WARS2: variants seen among roughly 807,000 people sequenced by gnomAD.
WARS2 encodes the protein tryptophanyl tRNA synthetase 2, mitochondrial.
WARS2 carries 28 observed loss-of-function variants against 36.5 expected under a neutral mutation model. The observed-to-expected ratio is 0.77, with a 90% confidence interval of 0.57 to 1.05. WARS2 has a LOEUF of 1.05. WARS2 is among the 50% of genes least tolerant of loss of function. WARS2 has a pLI of 0.00. For synonymous variants in WARS2, 174 were observed against 178.4 expected (o/e 0.98, Z 0.20); for missense variants, 435 against 456.8 (o/e 0.95, Z 0.44).
At chr1:119,065,745 A>T (rs1401954837) in intron 2 of WARS2, among the ~76,000 whole-genome samples, 1 of 152,206 alleles carries the variant, frequency 6.6e-6, no homozygotes, top group Non-Finnish European at 1.5e-5. Flanking sequence ...AAATTTATCA[A>T]GAGGAAACAA....
chr1:119,122,117 G>A (rs1655362874), intron 1 of WARS2, among the ~76,000 whole-genome samples: 1 of 152,138 alleles, frequency 6.6e-6, no homozygotes, highest in South Asian at 2.1e-4. Flanking sequence ...CTCACAGTAT[G>A]GAAGAAAATC....
intron 2 of WARS2, among the ~76,000 whole-genome samples, chr1:119,075,475 T>C (rs1651658518): frequency 6.6e-6 from 1 of 152,192 alleles, no homozygotes. Context: ...TCACATATTT[T>C]TTAACTGTCT....
At chr1:119,140,315 T>C (rs992872474) in intron 1 of WARS2, 17 of 372,240 alleles carry the variant, frequency 4.6e-5, no homozygotes, top group African/African-American at 2.7e-4. Context: ...GAACTGGAGG[T>C]GGCGGCAAGA....
intron 1 of WARS2, among the ~76,000 whole-genome samples, chr1:119,134,329 A>AAC (rs1553183020): frequency 1.3e-5 from 2 of 150,868 alleles, no homozygotes; most frequent in Non-Finnish European, 3.0e-5. Flanking sequence ...CAAAAAAAAA[A>AAC]AAAAAAAAAA....
intron 1 of WARS2, among the ~76,000 whole-genome samples, chr1:119,103,733 A>C (rs1274690764): frequency 4.0e-5 from 6 of 151,876 alleles, no homozygotes; most frequent in Non-Finnish European, 8.8e-5. Flanking sequence ...ATTACCCCTA[A>C]ATAAAGCCAT....
chr1:119,128,119 G>A (rs1452710977), intron 1 of WARS2, among the ~76,000 whole-genome samples: 1 of 151,862 alleles, frequency 6.6e-6, no homozygotes, highest in East Asian at 1.9e-4. Context: ...CTGTTGCCCA[G>A]GCTGGAGTGC....
At chr1:119,073,975 G>A (rs1344283934) in intron 2 of WARS2, among the ~76,000 whole-genome samples, 1 of 152,162 alleles carries the variant, frequency 6.6e-6, no homozygotes, top group Non-Finnish European at 1.5e-5. Flanking sequence ...TCTGGCAAGT[G>A]GTTACTTTGT....
chr1:119,140,595 C>A lies in WARS2; in HGVS notation c.50G>T (p.Arg17Leu). The change falls in exon 1 of 6, where the codon CGG becomes CTG. Residue 17 changes from arginine to leucine, a missense_variant. Arg to Leu is a moderately radical substitution (Grantham distance 102). Coordinates refer to ENST00000235521, the MANE Select transcript of WARS2 (RefSeq NM_015836.4). ...AGCTGCGGATCCCTTATGAAGTGCC[C>A]GGATGAAGCTCCAGCGCTCACGCGC... ...RKARERWSFI[R>L]ALHKGSAAAP... is the part of the protein sequence containing the mutation. 1.9e-6 allele frequency: 3 copies of A among 1,613,890 alleles called. No homozygotes were observed. The highest frequency in any genetic ancestry group is 2.5e-6 in the Non-Finnish European group (3 of 1,179,846).
intron 1 of WARS2, chr1:119,127,244 T>C: frequency 1.3e-6 from 1 of 774,196 alleles, no homozygotes; most frequent in Non-Finnish European, 2.2e-6. Flanking sequence ...TCTTCTTGGC[T>C]CCCTTTTTGC....
chr1:119,081,907 G>A (rs947704868), intron 1 of WARS2, among the ~76,000 whole-genome samples: 24 of 152,178 alleles, frequency 1.6e-4, no homozygotes, highest in Non-Finnish European at 1.6e-4. Context: ...TCTTTCCTCC[G>A]GAAAGCACTG....
intron 1 of WARS2, among the ~76,000 whole-genome samples, chr1:119,078,024 T>C (rs1651877961): frequency 6.6e-6 from 1 of 152,180 alleles, no homozygotes; most frequent in Non-Finnish European, 1.5e-5. Flanking sequence ...ATACCTAATA[T>C]GGTAGGCATA....
intron 1 of WARS2, among the ~76,000 whole-genome samples, chr1:119,112,117 T>G (rs1654682140): frequency 6.6e-6 from 1 of 152,150 alleles, no homozygotes; most frequent in African/African-American, 2.4e-5. Context: ...AGACGGGGTT[T>G]CACCATGTTG....
intron 1 of WARS2, among the ~76,000 whole-genome samples, chr1:119,090,182 A>C (rs1652948260): frequency 6.6e-6 from 1 of 152,194 alleles, no homozygotes; most frequent in Non-Finnish European, 1.5e-5. Context: ...GGGAAATACT[A>C]AATAAGTTAT....
intron 1 of WARS2, among the ~76,000 whole-genome samples, chr1:119,139,286 TTAATA>T (rs1356850387): frequency 6.6e-6 from 1 of 152,186 alleles, no homozygotes; most frequent in Non-Finnish European, 1.5e-5. Flanking sequence ...CCGGTATATA[TTAATA>T]TATTAGCTTA....
At chr1:119,127,844 G>C (rs1259164113) in intron 1 of WARS2, among the ~76,000 whole-genome samples, 1 of 151,982 alleles carries the variant, frequency 6.6e-6, no homozygotes. Context: ...TCATGTTCAA[G>C]TTTCTTTCAT....
At chr1:119,041,515 A>G (rs1232095235) in intron 4 of WARS2, among the ~76,000 whole-genome samples, 1 of 152,184 alleles carries the variant, frequency 6.6e-6, no homozygotes, top group Non-Finnish European at 1.5e-5. Flanking sequence ...ATCATATTTT[A>G]AAAACTTGCT....
intron 1 of WARS2, among the ~76,000 whole-genome samples, chr1:119,094,319 T>A (rs1440031276): frequency 6.6e-6 from 1 of 152,320 alleles, no homozygotes; most frequent in East Asian, 1.9e-4. Flanking sequence ...TGAAGCAGTA[T>A]GGATGGCATG....
At position 119,037,122 on chromosome 1, in the gene WARS2, G is replaced by A. The variant is rs574796451; in HGVS notation, c.516-2909C>T. On this transcript the variant is annotated intron_variant, in intron 4 of 5. Coordinates refer to ENST00000235521, the MANE Select transcript of WARS2 (RefSeq NM_015836.4). ...CCTGCATAATGATATCCCTTTTAAT[G>A]TGTCTTCTCTTTTTTTCTGTTTTCC... is the stretch of plus-strand genomic sequence containing the variant. 3.0e-4 allele frequency among the ~76,000 whole-genome samples: 45 copies of A among 151,972 alleles called. 1 individual carries two copies. In the South Asian group the frequency reaches 9.3e-3, roughly 32 times the overall value.
chr1:119,120,658 C>G (rs1163771693), intron 1 of WARS2, among the ~76,000 whole-genome samples: 1 of 152,010 alleles, frequency 6.6e-6, no homozygotes, highest in Non-Finnish European at 1.5e-5. Context: ...CTATAGCTAA[C>G]TGAATTCAAC....
Sources: allele counts gnomAD v4.1 joint callset (sites outside exome capture counted in the v4.1 genomes callset), GRCh38; gene constraint gnomAD v4.1.1; transcripts MANE v1.5; gene names NCBI Gene and HGNC (gene_info 2026-07-23, HGNC 2026-07-21).